Variants in DMBT1 observed in about 807,000 individuals in gnomAD.
The protein encoded by DMBT1 is deleted in malignant brain tumors 1.
In DMBT1, 198 loss-of-function variants were observed where a neutral mutation model predicts 252.9. That is an observed-to-expected ratio of 0.78 (90% CI 0.70 to 0.88). DMBT1 has a LOEUF of 0.88. Among genes scored for constraint, DMBT1 ranks in the 40% least tolerant of loss-of-function variants. The pLI, the probability that DMBT1 is intolerant of heterozygous loss-of-function variation, is 0.00. For synonymous variants in DMBT1, 990 were observed against 942.7 expected (o/e 1.05, Z -0.92); for missense variants, 2,432 against 2,404.7 (o/e 1.01, Z -0.24).
At chr10:122,574,139 A>G (rs1295514952) in intron 6 of DMBT1, among the ~76,000 whole-genome samples, 1 of 152,172 alleles carries the variant, frequency 6.6e-6, no homozygotes. Context: ...CTGCTAACGT[A>G]GCCAAATTGC....
chr10:122,565,503 T>G (rs1483016165), intron 1 of DMBT1, among the ~76,000 whole-genome samples: 21 of 152,216 alleles, frequency 1.4e-4, no homozygotes, highest in Admixed American at 1.4e-3. Context: ...TAGATTTCCA[T>G]TTGCTTCAAG....
At chr10:122,587,379 G>A (rs2097799785) in intron 16 of DMBT1, among the ~76,000 whole-genome samples, 1 of 148,680 alleles carries the variant, frequency 6.7e-6, no homozygotes, top group African/African-American at 2.4e-5. Context: ...GGGTTTTGGG[G>A]GTGTGAGTGC....
chr10:122,597,205 C>G (rs1187950048), intron 24 of DMBT1, among the ~76,000 whole-genome samples, 151 bp downstream of exon 24: 1 of 150,906 alleles, frequency 6.6e-6, no homozygotes, highest in Non-Finnish European at 1.5e-5. Flanking sequence ...TGGAATGGCG[C>G]TTCTGAACCA....
intron 41 of DMBT1, among the ~76,000 whole-genome samples, 171 bp from the exon 42 acceptor site, chr10:122,619,137 C>A (rs925613428): frequency 6.6e-6 from 1 of 152,220 alleles, no homozygotes. Context: ...TCTGCCTGCA[C>A]CCCTTATATG....
intron 1 of DMBT1, among the ~76,000 whole-genome samples, chr10:122,564,483 C>T (rs2097573050): frequency 6.7e-6 from 1 of 148,264 alleles, no homozygotes; most frequent in Admixed American, 6.9e-5. Flanking sequence ...TGCCTTAATC[C>T]TCCTTTTACC....
chr10:122,637,013 C>T (rs941010802), intron 53 of DMBT1, 115 bp from the exon 54 acceptor site: 86 of 965,372 alleles, frequency 8.9e-5, no homozygotes, highest in Non-Finnish European at 7.4e-5. Flanking sequence ...AGTGCTGACC[C>T]TCCCTGTCAG....
intron 53 of DMBT1, among the ~76,000 whole-genome samples, 168 bp from the exon 54 acceptor site, chr10:122,636,960 C>A (rs936042024): frequency 6.6e-6 from 1 of 152,188 alleles, no homozygotes; most frequent in African/African-American, 2.4e-5. Flanking sequence ...ACTTGACCCT[C>A]GGGTCCTTGG....
chr10:122,624,988 T>C (rs370812274), intron 44 of DMBT1, among the ~76,000 whole-genome samples: 29 of 152,330 alleles, frequency 1.9e-4, no homozygotes, highest in African/African-American at 6.3e-4. Flanking sequence ...GGCAATAACC[T>C]CAGCAAATGT....
chr10:122,578,574 C>A (rs1200202686), intron 8 of DMBT1, 144 bp from the exon 9 acceptor site: 5 of 705,684 alleles, frequency 7.1e-6, no homozygotes, highest in African/African-American at 5.3e-5. Context: ...GGGCAGGAGA[C>A]CTGGGCAGAC....
chr10:122,571,043 G>T (rs2097658405), intron 4 of DMBT1, 106 bp downstream of exon 4: 1 of 1,377,784 alleles, frequency 7.3e-7, no homozygotes, highest in African/African-American at 1.4e-5. Flanking sequence ...TAGGGTGCTG[G>T]TGTCATGTTC....
rs376149895 is a variant in DMBT1, at chr10:122,592,311, G to A, written c.2216G>A (p.Ser739Asn). The A allele has an allele frequency of 7.2e-5, 114 of 1,587,694 alleles. 11 individuals carry two copies. Among genetic ancestry groups the A allele is most frequent in the Non-Finnish European group, 9.4e-5 (109 of 1,165,694 alleles). ...TTGACCCTGAGGCTGGTGAATGGAAGTGACAGGTGTCAGGGCCGAGTAGAG... is the reference window on the plus strand; with the variant it reads ...TTGACCCTGAGGCTGGTGAATGGAAATGACAGGTGTCAGGGCCGAGTAGAG... ...SSLTLRLVNG[S>N]DRCQGRVEVL... The change falls in exon 20 of 56, where the codon AGT becomes AAT. Residue 739 changes from serine (S) to asparagine (N), a missense_variant. Ser to Asn is a conservative substitution (Grantham distance 46, BLOSUM62 1). Coordinates refer to ENST00000338354, the MANE Select transcript of DMBT1 (RefSeq NM_001377530.1).
intron 6 of DMBT1, 71 bp downstream of exon 6, chr10:122,573,833 G>T (rs752795958): frequency 6.4e-7 from 1 of 1,568,604 alleles, no homozygotes; most frequent in Admixed American, 1.7e-5. Flanking sequence ...CTCTGATTCA[G>T]ATGAGGTGCA....
intron 5 of DMBT1, among the ~76,000 whole-genome samples, chr10:122,572,897 C>A (rs3116705): frequency 0.69 from 104,179 of 151,458 alleles, 36,130 homozygotes; most frequent in East Asian, 0.77. Flanking sequence ...CAGGCATTCT[C>A]TTTACTGGAA....
chr10:122,622,425 G>A (rs2098079358), intron 44 of DMBT1, among the ~76,000 whole-genome samples: 1 of 152,256 alleles, frequency 6.6e-6, no homozygotes, highest in South Asian at 2.1e-4. Flanking sequence ...AGAATGTTTA[G>A]TGGTGGATCT....
At position 122,590,580 on chromosome 10, in the gene DMBT1, G is replaced by A. The variant is rs550966085; in HGVS notation, c.2108-85G>A. 24 of 1,474,148 alleles carry A rather than the reference G, an allele frequency of 1.6e-5. 5 individuals carry two copies. The highest frequency in any genetic ancestry group is 1.4e-4 in the East Asian group (6 of 41,908). 91.3% of individuals were successfully genotyped at this position (1,474,148 alleles called of 1,614,324 possible). A position where few individuals can be genotyped will look rare whatever the true frequency, so the allele number is the denominator to read the frequency against. On this transcript the variant is annotated intron_variant, in intron 17 of 55. Transcript: ENST00000338354. The stretch of plus-strand genomic sequence containing the variant: ...TGGGGACATAGGGTGGACTGAAGGC[G>A]CTACCAGTTTAGTTCCTTGTACCTT...
In DMBT1 at chr10:122,588,945, A is replaced by C. The variant is rs1330164110; in HGVS notation, c.1785A>C (p.Gly595=). 2 of 1,587,596 alleles carry C rather than the reference A, an allele frequency of 1.3e-6. No individual in the cohort carries two copies. The part of the protein sequence containing the change: ...HSEDAGVICS[G]PESSLALRLV... ...AAGGGTTCTTGTGTTCTCCTATAGG[A>C]CCTGAATCCAGTTTGGCCCTGAGGC... is the stretch of plus-strand genomic sequence containing the variant. The change falls in exon 17 of 56, where the codon GGA becomes GGC. Residue 595 remains glycine, a splice_region_variant and synonymous_variant. Coordinates refer to ENST00000338354, the MANE Select transcript of DMBT1 (RefSeq NM_001377530.1).
intron 53 of DMBT1, 118 bp from the exon 54 acceptor site, chr10:122,637,010 A>C: frequency 1.1e-6 from 1 of 913,696 alleles, no homozygotes; most frequent in South Asian, 1.6e-5. Context: ...CTAAGTGCTG[A>C]CCCTCCCTGT....
intron 1 of DMBT1, among the ~76,000 whole-genome samples, chr10:122,562,318 G>C (rs370464766): frequency 3.9e-5 from 6 of 152,250 alleles, no homozygotes; most frequent in African/African-American, 1.4e-4. Context: ...GGCTCAGTGG[G>C]GGAAGCTTTG....
chr10:122,563,042 T>C (rs1180683024), intron 1 of DMBT1, among the ~76,000 whole-genome samples: 2 of 152,218 alleles, frequency 1.3e-5, no homozygotes, highest in African/African-American at 4.8e-5. Context: ...AACTGTGGCA[T>C]CTAACTCAGT....
Sources: allele counts gnomAD v4.1 joint callset (sites outside exome capture counted in the v4.1 genomes callset), GRCh38; gene constraint gnomAD v4.1.1; transcripts MANE v1.5; gene names NCBI Gene and HGNC (gene_info 2026-07-23, HGNC 2026-07-21).